SLC27A2: variants seen among roughly 807,000 people sequenced by gnomAD.
The protein encoded by SLC27A2 is long-chain fatty acid transport protein 2.
In SLC27A2, 54 loss-of-function variants were observed where a neutral mutation model predicts 60.0. That is an observed-to-expected ratio of 0.90 (90% CI 0.72 to 1.13). SLC27A2 has a LOEUF of 1.13. SLC27A2 is among the 50% of genes most tolerant of loss of function. SLC27A2 has a pLI of 0.00. For missense variants in SLC27A2, 739 were observed against 777.6 expected, an observed-to-expected ratio of 0.95 and a Z score of 0.59; for synonymous variants, 297 against 297.6, an observed-to-expected ratio of 1.00 and a Z score of 0.02.
At chr15:50,204,438 T>C (rs1311179001) in intron 3 of SLC27A2, among the ~76,000 whole-genome samples, 1 of 148,146 alleles carries the variant, frequency 6.8e-6, no homozygotes, top group Non-Finnish European at 1.5e-5. Context: ...GCCTGGGCAA[T>C]AGAGTGAGAC....
At chr15:50,192,695 C>T (rs376302992) in intron 1 of SLC27A2, among the ~76,000 whole-genome samples, 4 of 151,166 alleles carry the variant, frequency 2.6e-5, no homozygotes, top group East Asian at 3.9e-4. Context: ...CAGGTGTGCG[C>T]CACCACATCC....
At chr15:50,234,887 CAGAT>C (rs1186790440) in intron 9 of SLC27A2, among the ~76,000 whole-genome samples, 4 of 152,314 alleles carry the variant, frequency 2.6e-5, no homozygotes, top group South Asian at 2.1e-4. Context: ...TGAGTCCTGA[CAGAT>C]AGCGCAAATA....
intron 2 of SLC27A2, 107 bp downstream of exon 2, chr15:50,197,816 C>T (rs1320327864): frequency 8.3e-6 from 6 of 726,298 alleles, no homozygotes; most frequent in Non-Finnish European, 1.4e-5. Flanking sequence ...GTAACTAATA[C>T]TTCAGGAGAT....
At chr15:50,203,551 T>C (rs1214197891) in intron 3 of SLC27A2, among the ~76,000 whole-genome samples, 1 of 152,144 alleles carries the variant, frequency 6.6e-6, no homozygotes, top group Non-Finnish European at 1.5e-5. Context: ...CTGACTGAGC[T>C]AAATAAACAA....
At chr15:50,213,383 A>T (rs1243010088) in intron 4 of SLC27A2, among the ~76,000 whole-genome samples, 1 of 152,230 alleles carries the variant, frequency 6.6e-6, no homozygotes, top group East Asian at 1.9e-4. Context: ...CACTGACAGC[A>T]CTAGACAGGT....
At chr15:50,205,546 A>ATAT (rs2045105634) in intron 4 of SLC27A2, among the ~76,000 whole-genome samples, 183 bp downstream of exon 4, 1 of 152,096 alleles carries the variant, frequency 6.6e-6, no homozygotes, top group African/African-American at 2.4e-5. Flanking sequence ...GTGGGAGTTA[A>ATAT]TATTATTATT....
rs1332894712 is a variant in SLC27A2 at position 50,182,914 on chromosome 15, CGA to C, written c.478+11_478+12del. The C allele has an allele frequency of 6.3e-7, 1 of 1,593,900 alleles. No individual in the cohort carries two copies. Among genetic ancestry groups the C allele is most frequent in the Non-Finnish European group, 8.5e-7 (1 of 1,170,928 alleles). On this transcript the variant is annotated intron_variant, in intron 1 of 9. Coordinates refer to ENST00000267842, the MANE Select transcript of SLC27A2 (RefSeq NM_003645.4). The stretch of plus-strand genomic sequence containing the variant: ...GCTGCTGGTGTCGCCAGGTGAGCCC[CGA>C]GGATCGCCCTGCCCTGGCACCAGGG...
chr15:50,233,760 C>G (rs2045330961), intron 8 of SLC27A2, 108 bp from the exon 9 acceptor site: 2 of 962,396 alleles, frequency 2.1e-6, no homozygotes, highest in Non-Finnish European at 3.0e-6. Context: ...TTCCAGCTAT[C>G]CAAATGAAAC....
Position 50,197,605 on chromosome 15 carries a change from T to A in SLC27A2, c.584T>A (p.Leu195Gln). Residue 195 changes from leucine (L) to glutamine (Q), a missense_variant, in exon 2 of 10, where the codon CTG becomes CAG. Coordinates refer to ENST00000267842, the MANE Select transcript of SLC27A2 (RefSeq NM_003645.4). Reference protein sequence around the residue: ...TSNTDGIDSFLDKVDEVSTEP... With the variant: ...TSNTDGIDSFQDKVDEVSTEP... ...AACACAGATGGGATTGACTCTTTCC[T>A]GGACAAAGTGGATGAAGTATCAACT... is the stretch of plus-strand genomic sequence containing the variant. The A allele has an allele frequency of 6.2e-7, 1 of 1,614,104 alleles. No individual in the cohort carries two copies. The highest frequency in any genetic ancestry group is 8.5e-7 in the Non-Finnish European group (1 of 1,179,960).
chr15:50,219,168 C>T (rs2045224889), intron 4 of SLC27A2, among the ~76,000 whole-genome samples: 2 of 152,184 alleles, frequency 1.3e-5, no homozygotes, highest in Admixed American at 6.5e-5. Flanking sequence ...ACTGAATCCT[C>T]ATCTACCACA....
intron 4 of SLC27A2, 34 bp downstream of exon 4, chr15:50,205,397 A>G (rs2045104251): frequency 6.3e-7 from 1 of 1,575,518 alleles, no homozygotes; most frequent in Non-Finnish European, 8.7e-7. Context: ...TCATTTTGAA[A>G]TGGGTAAGAT....
intron 1 of SLC27A2, among the ~76,000 whole-genome samples, chr15:50,188,978 G>A (rs76705539): frequency 3.0e-4 from 27 of 90,944 alleles, no homozygotes; most frequent in African/African-American, 8.8e-4. Context: ...TAGATAGATA[G>A]ATAAATAGAT....
chr15:50,208,824 C>T (rs1004044519), intron 4 of SLC27A2, among the ~76,000 whole-genome samples: 5 of 152,126 alleles, frequency 3.3e-5, no homozygotes, highest in South Asian at 2.1e-4. Context: ...GCTTTCAAAG[C>T]GACTGTTTGT....
At chr15:50,196,074 AAAAATATATATATATATATATATATAT>A (rs1312689779) in intron 1 of SLC27A2, among the ~76,000 whole-genome samples, 211 of 16,300 alleles carry the variant, frequency 0.013, 27 homozygotes, top group African/African-American at 0.041. Context: ...AAAAAAAAAA[AAAAATATATATATATATATATATATAT>A]ATATATATAT....
At chr15:50,219,557 C>T (rs1256352127) in intron 4 of SLC27A2, among the ~76,000 whole-genome samples, 2 of 151,964 alleles carry the variant, frequency 1.3e-5, no homozygotes, top group Non-Finnish European at 2.9e-5. Flanking sequence ...TCTCTGAAGC[C>T]ACATTGATTC....
rs1595682611 is a variant in SLC27A2 at position 50,197,570 on chromosome 15, C to A, written c.549C>A (p.Ser183Arg). ...ATGATGTGTCCATCTATTATGTGAG[C>A]AGAACTTCTAACACAGATGGGATTG... The part of the protein sequence containing the change: ...KKDDVSIYYV[S>R]RTSNTDGIDS... Residue 183 changes from serine (S) to arginine (R), a missense_variant, in exon 2 of 10, where the codon AGC (serine) becomes AGA (arginine). Coordinates refer to ENST00000267842, the MANE Select transcript of SLC27A2 (RefSeq NM_003645.4). 6 of 1,613,866 alleles carry A rather than the reference C, an allele frequency of 3.7e-6. No individual in the cohort carries two copies. The highest frequency in any genetic ancestry group is 5.1e-6 in the Non-Finnish European group (6 of 1,179,824).
At chr15:50,210,643 G>C (rs1387596629) in intron 4 of SLC27A2, among the ~76,000 whole-genome samples, 3 of 152,220 alleles carry the variant, frequency 2.0e-5, no homozygotes, top group African/African-American at 7.2e-5. Flanking sequence ...CTCCTGGCCA[G>C]AACTCCAGGG....
intron 3 of SLC27A2, among the ~76,000 whole-genome samples, chr15:50,203,635 TAC>T (rs978486584): frequency 2.6e-5 from 4 of 152,194 alleles, no homozygotes; most frequent in Admixed American, 1.3e-4. Flanking sequence ...CATATGTATA[TAC>T]ACACACATAT....
chr15:50,191,590 C>T (rs2140896309), intron 1 of SLC27A2, among the ~76,000 whole-genome samples: 1 of 152,264 alleles, frequency 6.6e-6, no homozygotes, highest in South Asian at 2.1e-4. Context: ...AGTCTGCTTC[C>T]CTTGCAGCCT....
Sources: gnomAD v4.1 joint callset for allele counts (sites outside exome capture counted in the v4.1 genomes callset) on GRCh38, gnomAD v4.1.1 for gene constraint, MANE v1.5 for transcripts, NCBI Gene and HGNC (gene_info 2026-07-23, HGNC 2026-07-21) for gene names.